Variants in CENPW observed in about 807,000 individuals in gnomAD.
CENPW encodes cancer-up-regulated gene 2 protein.
CENPW carries 3 observed loss-of-function variants against 11.1 expected under a neutral mutation model. That is an observed-to-expected ratio of 0.27 (90% CI 0.12 to 0.70). CENPW has a LOEUF of 0.70. CENPW is among the 30% of genes least tolerant of loss of function. The pLI is 0.77. For missense variants in CENPW, 100 were observed against 105.6 expected, an observed-to-expected ratio of 0.95 and a Z score of 0.23; for synonymous variants, 38 against 42.0, an observed-to-expected ratio of 0.91 and a Z score of 0.37.
the CENPW span, among the ~76,000 whole-genome samples, chr6:126,356,385 C>T: frequency 1.4e-4 from 21 of 152,150 alleles, no homozygotes; most frequent in Admixed American, 4.6e-4. Context: ...AAGATGAAGA[C>T]GGTAATGATT....
the CENPW span, among the ~76,000 whole-genome samples, chr6:126,469,455 G>A: frequency 6.6e-6 from 1 of 152,160 alleles, no homozygotes; most frequent in African/African-American, 2.4e-5. Context: ...GTCTCAAGTA[G>A]CATCTTTATA....
the CENPW span, among the ~76,000 whole-genome samples, chr6:126,441,603 CT>C: frequency 2.0e-5 from 3 of 151,414 alleles, no homozygotes; most frequent in African/African-American, 7.3e-5. Context: ...TCCCTCACCC[CT>C]CTCCCACCCT....
chr6:126,415,832 C>G, the CENPW span, among the ~76,000 whole-genome samples: 1 of 152,194 alleles, frequency 6.6e-6, no homozygotes, highest in Non-Finnish European at 1.5e-5. Context: ...TCCAATAAAC[C>G]TCATTCTTTT....
the CENPW span, among the ~76,000 whole-genome samples, chr6:126,409,075 GT>G: frequency 6.6e-6 from 1 of 151,880 alleles, no homozygotes; most frequent in Non-Finnish European, 1.5e-5. Context: ...CTTTTTTGGT[GT>G]AGGTACTTAT....
downstream of CENPW, among the ~76,000 whole-genome samples, chr6:126,351,501 TAGAA>T (rs1780490526): frequency 6.6e-6 from 1 of 152,082 alleles, no homozygotes; most frequent in Non-Finnish European, 1.5e-5. Flanking sequence ...CTACCTGACT[TAGAA>T]AAGAAAGAGA....
the CENPW span, among the ~76,000 whole-genome samples, chr6:126,411,199 T>C: frequency 6.6e-6 from 1 of 152,322 alleles, no homozygotes; most frequent in Non-Finnish European, 1.5e-5. Context: ...GGGGACTCTG[T>C]TTCCAGATAG....
At chr6:126,356,707 A>G in the CENPW span, among the ~76,000 whole-genome samples, 2 of 152,048 alleles carry the variant, frequency 1.3e-5, no homozygotes, top group African/African-American at 4.8e-5. Flanking sequence ...ATACCTTTTC[A>G]TATGTTCATT....
At chr6:126,473,227 A>C in the CENPW span, among the ~76,000 whole-genome samples, 1 of 152,156 alleles carries the variant, frequency 6.6e-6, no homozygotes, top group Non-Finnish European at 1.5e-5. Flanking sequence ...GTTCACATGT[A>C]GGCCTTTTTG....
chr6:126,453,799 C>T, the CENPW span, among the ~76,000 whole-genome samples: 1 of 151,158 alleles, frequency 6.6e-6, no homozygotes, highest in Non-Finnish European at 1.5e-5. Context: ...GATATGCTGT[C>T]TTCAAGTGAT....
At chr6:126,384,569 C>G in the CENPW span, among the ~76,000 whole-genome samples, 1 of 152,052 alleles carries the variant, frequency 6.6e-6, no homozygotes, top group Non-Finnish European at 1.5e-5. Context: ...AACTGGTTAG[C>G]CATATGCAGA....
the CENPW span, among the ~76,000 whole-genome samples, chr6:126,368,651 T>G: frequency 7.5e-6 from 1 of 133,940 alleles, no homozygotes; most frequent in African/African-American, 2.7e-5. Context: ...CAATGTGTAG[T>G]TTTTTTTTTT....
At chr6:126,395,689 C>A in the CENPW span, among the ~76,000 whole-genome samples, 4 of 152,114 alleles carry the variant, frequency 2.6e-5, no homozygotes, top group Non-Finnish European at 1.5e-5. Flanking sequence ...CTTGGGAAGA[C>A]TTTCCAGGTA....
At chr6:126,438,478 C>T in the CENPW span, among the ~76,000 whole-genome samples, 245 of 132,910 alleles carry the variant, frequency 1.8e-3, no homozygotes, top group African/African-American at 5.8e-3. Context: ...AACATCTGGA[C>T]TTCATGTGGA....
the CENPW span, among the ~76,000 whole-genome samples, chr6:126,435,842 T>C: frequency 6.6e-6 from 1 of 152,054 alleles, no homozygotes; most frequent in South Asian, 2.1e-4. Context: ...CCTTGGACTC[T>C]TAATGCTTCA....
the CENPW span, among the ~76,000 whole-genome samples, chr6:126,421,588 T>C: frequency 1.3e-5 from 2 of 151,998 alleles, 1 homozygote; most frequent in African/African-American, 4.8e-5. Context: ...CTTTCTTTTT[T>C]TTTTTTTTTA....
the CENPW span, among the ~76,000 whole-genome samples, chr6:126,375,581 T>C: frequency 6.6e-6 from 1 of 152,110 alleles, no homozygotes; most frequent in African/African-American, 2.4e-5. Context: ...TCTCCACATA[T>C]TGCCTTTTTT....
chr6:126,357,602 C>G, the CENPW span, among the ~76,000 whole-genome samples: 4 of 151,828 alleles, frequency 2.6e-5, no homozygotes, highest in Admixed American at 6.6e-5. Context: ...AGCAATATTT[C>G]ATAGTTCTTT....
the CENPW span, among the ~76,000 whole-genome samples, chr6:126,359,552 G>A: frequency 1.2e-4 from 18 of 152,052 alleles, no homozygotes; most frequent in African/African-American, 4.3e-4. Flanking sequence ...CTATGTGTCT[G>A]TCTAAGTTTT....
chr6:126,428,673 G>A, the CENPW span, among the ~76,000 whole-genome samples: 1 of 152,084 alleles, frequency 6.6e-6, no homozygotes, highest in African/African-American at 2.4e-5. Context: ...AAGTCTAAAG[G>A]CCTCTTCCTC....
Sources: gnomAD v4.1 joint callset for allele counts (sites outside exome capture counted in the v4.1 genomes callset) on GRCh38, gnomAD v4.1.1 for gene constraint, MANE v1.5 for transcripts, NCBI Gene and HGNC (gene_info 2026-07-23, HGNC 2026-07-21) for gene names.